LRMDA: variants seen among roughly 807,000 people sequenced by gnomAD.
LRMDA encodes leucine-rich melanocyte differentiation-associated protein.
A neutral mutation model predicts 29.8 loss-of-function variants in LRMDA; 18 were observed. The ratio of observed to expected loss-of-function variants is 0.60; its 90% CI spans 0.42 to 0.90. The LOEUF is 0.90. LRMDA is among the 40% of genes least tolerant of loss of function. The probability of loss-of-function intolerance (pLI) is 0.00; values close to 1 mark genes in which losing one functional copy is unlikely to be tolerated. For synonymous variants in LRMDA, 125 were observed against 109.4 expected (o/e 1.14, Z -0.89); for missense variants, 273 against 273.9 (o/e 1.00, Z 0.02).
chr10:75,638,843 T>A (rs569041249), intron 2 of LRMDA, among the ~76,000 whole-genome samples: 2 of 152,320 alleles, frequency 1.3e-5, no homozygotes, highest in East Asian at 3.9e-4. Flanking sequence ...CTAAATTGGG[T>A]ATTATAAATC....
At chr10:75,968,619 C>T (rs1846909546) in intron 2 of LRMDA, among the ~76,000 whole-genome samples, 1 of 152,164 alleles carries the variant, frequency 6.6e-6, no homozygotes, top group Non-Finnish European at 1.5e-5. Flanking sequence ...TCCAATTAAA[C>T]TAGGAGCCAC....
intron 2 of LRMDA, among the ~76,000 whole-genome samples, chr10:76,018,975 G>T (rs1589291173): frequency 6.6e-6 from 1 of 152,128 alleles, no homozygotes; most frequent in Non-Finnish European, 1.5e-5. Context: ...GTTACCAAGG[G>T]GTTACTGTTT....
chr10:76,369,239 G>A (rs1841426194), intron 6 of LRMDA, among the ~76,000 whole-genome samples: 1 of 152,128 alleles, frequency 6.6e-6, no homozygotes, highest in Non-Finnish European at 1.5e-5. Flanking sequence ...AAGAAGTTCT[G>A]TTTTGATGTG....
intron 5 of LRMDA, among the ~76,000 whole-genome samples, chr10:76,135,155 C>T (rs1304242476): frequency 6.6e-6 from 1 of 152,148 alleles, no homozygotes; most frequent in African/African-American, 2.4e-5. Flanking sequence ...TTATACTATA[C>T]AGAAGGACCC....
chr10:76,165,956 A>G (rs1850732152), intron 5 of LRMDA, among the ~76,000 whole-genome samples: 1 of 152,192 alleles, frequency 6.6e-6, no homozygotes, highest in Non-Finnish European at 1.5e-5. Flanking sequence ...AGGTTGGTGA[A>G]CAAACAGTAT....
intron 2 of LRMDA, among the ~76,000 whole-genome samples, chr10:75,478,050 T>G (rs1844816109): frequency 6.6e-6 from 1 of 152,190 alleles, no homozygotes; most frequent in African/African-American, 2.4e-5. Context: ...GAGGCCTCCT[T>G]TCTGGATTCT....
chr10:76,045,191 C>G (rs1178783794), intron 3 of LRMDA, among the ~76,000 whole-genome samples: 2 of 148,808 alleles, frequency 1.3e-5, no homozygotes, highest in Admixed American at 1.3e-4. Context: ...TAGTTTCCCT[C>G]TCTTGCTAGT....
intron 2 of LRMDA, among the ~76,000 whole-genome samples, chr10:75,816,601 T>A (rs1358881633): frequency 6.6e-6 from 1 of 152,248 alleles, no homozygotes; most frequent in African/African-American, 2.4e-5. Context: ...TCCTTTGTTC[T>A]AATATGGTTT....
At chr10:76,194,976 A>G (rs959548220) in intron 5 of LRMDA, among the ~76,000 whole-genome samples, 7 of 152,166 alleles carry the variant, frequency 4.6e-5, no homozygotes, top group East Asian at 1.9e-4. Flanking sequence ...TCTACAAAGC[A>G]TCTTGTGAAA....
intron 2 of LRMDA, among the ~76,000 whole-genome samples, chr10:76,004,120 G>A (rs1203570474): frequency 6.6e-6 from 1 of 152,158 alleles, no homozygotes; most frequent in Non-Finnish European, 1.5e-5. Flanking sequence ...TAATTTACAA[G>A]TTCACACCAT....
chr10:76,315,457 C>A (rs1038922918), intron 5 of LRMDA, among the ~76,000 whole-genome samples: 3 of 152,212 alleles, frequency 2.0e-5, no homozygotes, highest in African/African-American at 7.2e-5. Flanking sequence ...CTCCCTGCTC[C>A]CGGTGCCCAC....
At chr10:75,951,829 T>G (rs953892122) in intron 2 of LRMDA, among the ~76,000 whole-genome samples, 1 of 152,216 alleles carries the variant, frequency 6.6e-6, no homozygotes, top group African/African-American at 2.4e-5. Flanking sequence ...GACCTCTGCC[T>G]CAGCGTTCTC....
intron 2 of LRMDA, among the ~76,000 whole-genome samples, chr10:75,615,395 T>A (rs933400491): frequency 3.3e-5 from 5 of 152,176 alleles, no homozygotes; most frequent in Non-Finnish European, 7.4e-5. Context: ...GCATCCCTAA[T>A]GTGAAAATCC....
At chr10:76,453,960 G>A (rs1043101279) in intron 6 of LRMDA, among the ~76,000 whole-genome samples, 6 of 152,114 alleles carry the variant, frequency 3.9e-5, no homozygotes, top group African/African-American at 1.2e-4. Context: ...AGTTCATGTC[G>A]TGAACGTTTA....
intron 5 of LRMDA, among the ~76,000 whole-genome samples, chr10:76,275,016 T>C (rs1319828626): frequency 6.6e-6 from 1 of 152,182 alleles, no homozygotes; most frequent in Admixed American, 6.5e-5. Flanking sequence ...AGCTCTCCAC[T>C]CCTGAATTCT....
At chr10:75,793,550 C>A (rs931255073) in intron 2 of LRMDA, among the ~76,000 whole-genome samples, 1 of 152,178 alleles carries the variant, frequency 6.6e-6, no homozygotes, top group Non-Finnish European at 1.5e-5. Context: ...CACTTTCAGG[C>A]ACATGTATAA....
At chr10:76,171,040 G>T (rs933777189) in intron 5 of LRMDA, among the ~76,000 whole-genome samples, 1 of 152,298 alleles carries the variant, frequency 6.6e-6, no homozygotes, top group South Asian at 2.1e-4. Flanking sequence ...CTCATAGATG[G>T]ATGTGCATTG....
intron 6 of LRMDA, among the ~76,000 whole-genome samples, chr10:76,405,899 T>C (rs1841897383): frequency 6.6e-6 from 1 of 152,208 alleles, no homozygotes; most frequent in African/African-American, 2.4e-5. Context: ...TTCCTGAAAA[T>C]TGTCTGTATT....
chr10:76,290,066 G>A (rs561636763), intron 5 of LRMDA, among the ~76,000 whole-genome samples: 1 of 152,212 alleles, frequency 6.6e-6, no homozygotes, highest in South Asian at 2.1e-4. Context: ...TGTGTGCCTA[G>A]GTCCATATTC....
Sources: allele counts gnomAD v4.1 joint callset (sites outside exome capture counted in the v4.1 genomes callset), GRCh38; gene constraint gnomAD v4.1.1; transcripts MANE v1.5; gene names NCBI Gene and HGNC (gene_info 2026-07-23, HGNC 2026-07-21).